The following AFDN variants were observed in gnomAD, a reference collection of about 807,000 sequenced individuals.
The protein encoded by AFDN is afadin, adherens junction formation factor.
AFDN carries 68 observed loss-of-function variants against 216.6 expected under a neutral mutation model. That is an observed-to-expected ratio of 0.31 (90% confidence interval 0.26 to 0.38). The LOEUF (loss-of-function observed/expected upper bound fraction) is 0.38. Among genes scored for constraint, AFDN ranks in the 10% least tolerant of loss-of-function variants. The pLI is 1.00. For missense variants in AFDN, 2,136 were observed against 2,342.0 expected, an observed-to-expected ratio of 0.91 and a Z score of 1.82; for synonymous variants, 868 against 853.7, an observed-to-expected ratio of 1.02 and a Z score of -0.29.
chr6:167,960,407 T>C (rs938582226), intron 30 of AFDN, among the ~76,000 whole-genome samples: 1 of 143,542 alleles, frequency 7.0e-6, no homozygotes, highest in African/African-American at 2.6e-5. Flanking sequence ...TGAAAATAAT[T>C]GTTCTGATTT....
At position 167,966,752 on chromosome 6, in the gene AFDN, G is replaced by C. The variant is rs561258318; in HGVS notation, c.5257+707G>C. 2.3e-4 allele frequency among the ~76,000 whole-genome samples: 35 copies of C among 152,302 alleles called. No individual in the cohort carries two copies. The South Asian group carries it at 5.2e-3, about 23-fold the overall frequency. ...AAGTAGCCTGTGGAATAGATCACGC[G>C]CTCTCATGGTGGTTTGGTTGGTGTG... On this transcript the variant is annotated intron_variant, in intron 32 of 33. Transcript: ENST00000683244.
chr6:167,898,329 C>G lies in AFDN; in HGVS notation c.1442C>G (p.Thr481Ser), dbSNP rs532733933. ...YVEGQRISET[T>S]MLQSGMKVQF... ...GAAGGCCAGCGCATCTCAGAAACCA[C>G]CATGCTGCAGAGTGGCATGAAAGTG... The change falls in exon 11 of 34, where the codon ACC becomes AGC. Residue 481 changes from threonine (T) to serine (S), a missense_variant. Physicochemically the swap from Thr to Ser is moderately conservative, Grantham distance 58 (BLOSUM62 1). Coordinates refer to ENST00000683244, the MANE Select transcript of AFDN (RefSeq NM_001386888.1). The G allele has an allele frequency of 6.2e-6, 10 of 1,614,022 alleles. 1 individual carries two copies. The highest frequency in any genetic ancestry group is 8.5e-6 in the Non-Finnish European group (10 of 1,180,030).
At chr6:167,923,162 T>C in intron 22 of AFDN, 1 of 461,814 alleles carries the variant, frequency 2.2e-6, no homozygotes, top group Non-Finnish European at 3.8e-6. Context: ...TACAGTTTTG[T>C]CTGTAAGCAG....
At chr6:167,963,013 ATCAC>A in intron 31 of AFDN, 1 of 1,083,838 alleles carries the variant, frequency 9.2e-7, no homozygotes. Context: ...GTTTACTCAA[ATCAC>A]TCACTTCTGG....
intron 23 of AFDN, among the ~76,000 whole-genome samples, chr6:167,933,645 T>G (rs1184816977): frequency 6.6e-6 from 1 of 152,238 alleles, no homozygotes; most frequent in Non-Finnish European, 1.5e-5. Context: ...TGGCTTCTTA[T>G]GAATTTGGAA....
At chr6:167,879,312 C>G (rs999535860) in intron 5 of AFDN, among the ~76,000 whole-genome samples, 5 of 152,128 alleles carry the variant, frequency 3.3e-5, no homozygotes, top group African/African-American at 1.2e-4. Flanking sequence ...TCATGCCAGA[C>G]TTGTTGAAAA....
At chr6:167,885,993 T>G (rs574071896) in intron 6 of AFDN, among the ~76,000 whole-genome samples, 15 of 152,210 alleles carry the variant, frequency 9.9e-5, no homozygotes, top group Non-Finnish European at 2.2e-4. Flanking sequence ...GAAAAGACTT[T>G]TAACATGTGT....
intron 1 of AFDN, among the ~76,000 whole-genome samples, chr6:167,830,540 G>C (rs138615764): frequency 1.5e-4 from 23 of 152,218 alleles, no homozygotes; most frequent in African/African-American, 5.5e-4. Context: ...CTTATTCTTA[G>C]TTTTGCAAGA....
At chr6:167,845,161 A>G (rs1781521270) in intron 1 of AFDN, among the ~76,000 whole-genome samples, 1 of 152,168 alleles carries the variant, frequency 6.6e-6, no homozygotes, top group Non-Finnish European at 1.5e-5. Flanking sequence ...TGCACTTAGC[A>G]GGGCATCTTT....
intron 16 of AFDN, 153 bp downstream of exon 16, chr6:167,913,576 CTG>C (rs1790677172): frequency 1.6e-6 from 1 of 632,292 alleles, no homozygotes; most frequent in East Asian, 2.9e-5. Flanking sequence ...CCCTTTTTGA[CTG>C]TGCAACCTTT....
At chr6:167,966,757 CATG>C (rs1471301255) in intron 32 of AFDN, among the ~76,000 whole-genome samples, 3 of 152,218 alleles carry the variant, frequency 2.0e-5, no homozygotes, top group Admixed American at 1.3e-4. Flanking sequence ...CACGCGCTCT[CATG>C]GTGGTTTGGT....
intron 1 of AFDN, among the ~76,000 whole-genome samples, chr6:167,850,787 T>C (rs1263529261): frequency 6.6e-6 from 1 of 152,266 alleles, no homozygotes; most frequent in East Asian, 1.9e-4. Flanking sequence ...AAACATTTTA[T>C]AATTTTGTGT....
intron 11 of AFDN, among the ~76,000 whole-genome samples, chr6:167,901,173 A>G (rs1788898218): frequency 6.6e-6 from 1 of 152,318 alleles, no homozygotes; most frequent in South Asian, 2.1e-4. Flanking sequence ...CTGCTTTGAA[A>G]TTAGACCATA....
chr6:167,848,429 G>C (rs941313423), intron 1 of AFDN, among the ~76,000 whole-genome samples: 2 of 152,146 alleles, frequency 1.3e-5, no homozygotes, highest in African/African-American at 4.8e-5. Flanking sequence ...CATATGAGTA[G>C]ATATAGTTTA....
chr6:167,902,271 A>G (rs780356555), intron 11 of AFDN, 46 bp from the exon 12 acceptor site: 5 of 1,385,492 alleles, frequency 3.6e-6, no homozygotes, highest in East Asian at 4.6e-5. Context: ...TATGCCTGTC[A>G]TTGGAATGTT....
chr6:167,911,816 A>C, intron 15 of AFDN: 1 of 337,312 alleles, frequency 3.0e-6, no homozygotes, highest in South Asian at 3.0e-5. Flanking sequence ...AATATTAACC[A>C]TTTTGAAGTG....
chr6:167,910,196 T>G (rs1274790993), intron 13 of AFDN, among the ~76,000 whole-genome samples: 1 of 152,364 alleles, frequency 6.6e-6, no homozygotes, highest in East Asian at 1.9e-4. Context: ...GCTTTTGAAC[T>G]GTGGTTATAA....
chr6:167,945,285 G>A (rs1795133501), intron 26 of AFDN, among the ~76,000 whole-genome samples: 1 of 151,784 alleles, frequency 6.6e-6, no homozygotes, highest in Non-Finnish European at 1.5e-5. Context: ...TCCACATCTG[G>A]TCCCACGGGA....
chr6:167,838,742 A>G (rs1469524990), intron 1 of AFDN, among the ~76,000 whole-genome samples: 3 of 152,182 alleles, frequency 2.0e-5, no homozygotes, highest in Non-Finnish European at 2.9e-5. Context: ...TCCTTCTTGT[A>G]AGAAACAGTG....
Sources: gnomAD v4.1 joint callset for allele counts (sites outside exome capture counted in the v4.1 genomes callset) on GRCh38, gnomAD v4.1.1 for gene constraint, MANE v1.5 for transcripts, NCBI Gene and HGNC (gene_info 2026-07-23, HGNC 2026-07-21) for gene names.